The following NRXN1 variants were observed in gnomAD, a reference collection of about 807,000 sequenced individuals.
The protein encoded by NRXN1 is neurexin-1.
A neutral mutation model predicts 150.9 loss-of-function variants in NRXN1; 39 were observed. The ratio of observed to expected loss-of-function variants is 0.26; its 90% CI spans 0.20 to 0.34. The LOEUF (loss-of-function observed/expected upper bound fraction) is 0.34, where lower values mean the gene tolerates loss of function less well. Ranked by LOEUF, NRXN1 falls within the 10% of genes least tolerant of loss-of-function variation. The pLI is 1.00. For synonymous variants in NRXN1, 924 were observed against 757.0 expected, an observed-to-expected ratio of 1.22 and a Z score of -3.62; for missense variants, 1,815 against 1,949.9, an observed-to-expected ratio of 0.93 and a Z score of 1.30.
chr2:50,661,884 G>T (rs2104647780), intron 5 of NRXN1, among the ~76,000 whole-genome samples: 1 of 152,128 alleles, frequency 6.6e-6, no homozygotes, highest in African/African-American at 2.4e-5. Context: ...TATTCATGAA[G>T]TGCTTCCTGA....
chr2:49,940,412 CA>C (rs772817310), intron 22 of NRXN1, among the ~76,000 whole-genome samples: 5 of 152,108 alleles, frequency 3.3e-5, no homozygotes, highest in African/African-American at 4.8e-5. Context: ...CTAATAACAG[CA>C]GCAGCTACAA....
chr2:50,128,871 T>C (rs1705022311), intron 18 of NRXN1, among the ~76,000 whole-genome samples: 1 of 151,602 alleles, frequency 6.6e-6, no homozygotes, highest in Non-Finnish European at 1.5e-5. Context: ...TAATCCCAGC[T>C]ACTCAGAGGG....
At position 50,223,683 on chromosome 2, in the gene NRXN1, C is replaced by G. The variant is rs552743611; in HGVS notation, c.3546+13106G>C. On this transcript the variant is annotated intron_variant, in intron 18 of 22. Transcript: ENST00000401669. Reference sequence around the variant, plus strand: ...ATACTTTTCCTTTGAACACCTCTGTCGGGAAAATGTCCAATCAGCAAGAGC... The same window carrying G: ...ATACTTTTCCTTTGAACACCTCTGTGGGGAAAATGTCCAATCAGCAAGAGC... Among the ~76,000 whole-genome samples the G allele has an allele frequency of 2.6e-5, 4 of 151,990 alleles. No individual in the cohort carries two copies. In the South Asian group the frequency reaches 8.3e-4, roughly 32 times the overall value.
chr2:50,403,962 A>G (rs2082572714), intron 17 of NRXN1, among the ~76,000 whole-genome samples: 1 of 152,136 alleles, frequency 6.6e-6, no homozygotes, highest in Admixed American at 6.6e-5. Context: ...GTGGACTGCT[A>G]TACTAGCAAC....
intron 8 of NRXN1, among the ~76,000 whole-genome samples, chr2:50,558,856 C>A (rs1338636733): frequency 6.6e-6 from 1 of 152,084 alleles, no homozygotes; most frequent in Non-Finnish European, 1.5e-5. Flanking sequence ...GAGGGCGGAT[C>A]ACGAGGTCAG....
intron 5 of NRXN1, chr2:50,912,997 G>A (rs1340741535): frequency 6.6e-6 from 1 of 151,634 alleles, no homozygotes; most frequent in Non-Finnish European, 1.5e-5. Flanking sequence ...CAGTCCTCTG[G>A]AAAAGAATGC....
At chr2:50,445,888 C>A (rs1430815675) in intron 17 of NRXN1, among the ~76,000 whole-genome samples, 1 of 152,112 alleles carries the variant, frequency 6.6e-6, no homozygotes, top group Non-Finnish European at 1.5e-5. Context: ...TTTGTCCATT[C>A]CTCCTCTCCA....
intron 17 of NRXN1, among the ~76,000 whole-genome samples, chr2:50,396,363 C>T (rs919615188): frequency 2.6e-5 from 4 of 152,212 alleles, no homozygotes; most frequent in African/African-American, 9.6e-5. Context: ...TTATTTGAAT[C>T]AGAACTATTT....
At chr2:50,744,072 T>A (rs902879108) in intron 5 of NRXN1, among the ~76,000 whole-genome samples, 1 of 152,142 alleles carries the variant, frequency 6.6e-6, no homozygotes, top group Admixed American at 6.5e-5. Flanking sequence ...ATTTCTGATT[T>A]CACATGTGTT....
At position 50,531,340 on chromosome 2, in the gene NRXN1, C is replaced by T. The variant is rs199871805; in HGVS notation, c.2234G>A (p.Arg745Gln). ...GCCATATGCACGCTGGGATCGGAAC[C>T]GTAAGGAAACATCCTCAGCCTCCGT... ...MHTEAEDVSL[R>Q]FRSQRAYGIL... Residue 745 changes from arginine (R) to glutamine (Q), a missense_variant, in exon 11 of 23, where the codon CGG becomes CAG. Around this residue, in one of 6 missense-constraint regions of NRXN1, gnomAD observed 638 missense variants for 652.6 expected, o/e 0.98. Coordinates refer to ENST00000401669, the MANE Select transcript of NRXN1 (RefSeq NM_001330078.2). The T allele has an allele frequency of 3.1e-6, 5 of 1,613,310 alleles. No individual in the cohort carries two copies. The highest frequency in any genetic ancestry group is 2.2e-5 in the East Asian group (1 of 44,820).
At chr2:49,938,490 A>G (rs1343146651) in intron 22 of NRXN1, among the ~76,000 whole-genome samples, 1 of 152,172 alleles carries the variant, frequency 6.6e-6, no homozygotes, top group Non-Finnish European at 1.5e-5. Flanking sequence ...TGTTCCAGCT[A>G]AAGAGATGCC....
At chr2:50,705,337 T>A (rs372959445) in intron 5 of NRXN1, among the ~76,000 whole-genome samples, 2 of 152,156 alleles carry the variant, frequency 1.3e-5, no homozygotes, top group South Asian at 4.1e-4. Flanking sequence ...TTGCTTTCAA[T>A]AGATAAAACT....
At chr2:49,949,824 GCTGGCTGAA>G (rs1673605022) in intron 21 of NRXN1, among the ~76,000 whole-genome samples, 1 of 151,866 alleles carries the variant, frequency 6.6e-6, no homozygotes, top group African/African-American at 2.4e-5. Context: ...CGAGGACAGT[GCTGGCTGAA>G]ATATGATATC....
chr2:50,113,419 T>C (rs755666472), intron 18 of NRXN1, among the ~76,000 whole-genome samples: 2 of 152,180 alleles, frequency 1.3e-5, no homozygotes, highest in African/African-American at 2.4e-5. Flanking sequence ...CACTGAAAAA[T>C]ACTTTTGAAT....
At position 49,963,187 on chromosome 2, in the gene NRXN1, T is replaced by C. The variant is rs531730663; in HGVS notation, c.4129-19396A>G. Reference sequence around the variant, plus strand: ...TATCTGATAATTCAATTGTGCTCAATATGCTTCCTTTTAACGTCACAGAAT... The same window carrying C: ...TATCTGATAATTCAATTGTGCTCAACATGCTTCCTTTTAACGTCACAGAAT... On this transcript the variant is annotated intron_variant, in intron 21 of 22. Transcript: ENST00000401669. Among the ~76,000 whole-genome samples, 3 of 152,282 alleles carry C rather than the reference T, an allele frequency of 2.0e-5. No individual in the cohort carries two copies. In the South Asian group the frequency reaches 6.2e-4, roughly 32 times the overall value.
At chr2:50,644,464 A>G (rs1223435128) in intron 5 of NRXN1, among the ~76,000 whole-genome samples, 1 of 151,774 alleles carries the variant, frequency 6.6e-6, no homozygotes, top group Non-Finnish European at 1.5e-5. Flanking sequence ...AGAAATAAAT[A>G]CAAAAATTAA....
chr2:51,009,537 T>C (rs17041184), intron 2 of NRXN1, among the ~76,000 whole-genome samples: 14,939 of 151,944 alleles, frequency 0.098, 1,410 homozygotes, highest in East Asian at 0.44. Context: ...TCAAGTTCCA[T>C]TATGCCTGCA....
intron 2 of NRXN1, among the ~76,000 whole-genome samples, chr2:50,974,844 T>C (rs576340628): frequency 6.6e-6 from 1 of 152,138 alleles, no homozygotes; most frequent in South Asian, 2.1e-4. Context: ...CCACGACTCA[T>C]AATTAAATTT....
At chr2:50,238,158 C>T (rs1333352728) in intron 17 of NRXN1, among the ~76,000 whole-genome samples, 1 of 151,970 alleles carries the variant, frequency 6.6e-6, no homozygotes, top group Non-Finnish European at 1.5e-5. Flanking sequence ...GCATTTGGTG[C>T]ACTAGTCTTA....
Sources: allele counts gnomAD v4.1 joint callset (sites outside exome capture counted in the v4.1 genomes callset), GRCh38; gene constraint gnomAD v4.1.1; regional missense constraint gnomAD v4.1.1; transcripts MANE v1.5; gene names NCBI Gene and HGNC (gene_info 2026-07-23, HGNC 2026-07-21).